The following PBLD variants were observed in gnomAD, a reference collection of about 807,000 sequenced individuals.
PBLD encodes phenazine biosynthesis like protein domain containing, also known as phenazine biosynthesis-like domain-containing protein.
In PBLD, 26 loss-of-function variants were observed where a neutral mutation model predicts 31.3. The ratio of observed to expected loss-of-function variants is 0.83; its 90% confidence interval spans 0.61 to 1.15. PBLD has a LOEUF of 1.15. Ranked by LOEUF, PBLD falls within the 50% of genes most tolerant of loss-of-function variation. The pLI is 0.00. For missense variants in PBLD, 307 were observed against 351.7 expected (o/e 0.87, Z 1.02); for synonymous variants, 114 against 129.0 (o/e 0.88, Z 0.79).
At chr10:68,324,419 C>A (rs1283583460) in intron 1 of PBLD, among the ~76,000 whole-genome samples, 1 of 152,056 alleles carries the variant, frequency 6.6e-6, no homozygotes, top group Non-Finnish European at 1.5e-5. Flanking sequence ...TCATGATCTG[C>A]CCACCTTGGC....
chr10:68,325,491 G>A (rs2044904704), intron 1 of PBLD, among the ~76,000 whole-genome samples: 1 of 152,096 alleles, frequency 6.6e-6, no homozygotes. Context: ...CCTGAACCTG[G>A]GAGGCAAAGA....
At chr10:68,298,233 G>A (rs1158803672) in intron 2 of PBLD, among the ~76,000 whole-genome samples, 2 of 152,156 alleles carry the variant, frequency 1.3e-5, no homozygotes, top group African/African-American at 4.8e-5. Context: ...CAGCCTGGGC[G>A]ACAGAGCAAG....
chr10:68,289,662 A>ACCACACACACACAC (rs1245253406), intron 6 of PBLD, among the ~76,000 whole-genome samples: 37 of 15,322 alleles, frequency 2.4e-3, no homozygotes, highest in Non-Finnish European at 7.2e-3. Flanking sequence ...AAGGCCAAAG[A>ACCACACACACACAC]TCACACACAC....
chr10:68,327,401 TG>T (rs1281014352), intron 1 of PBLD, among the ~76,000 whole-genome samples: 1 of 151,686 alleles, frequency 6.6e-6, no homozygotes, highest in African/African-American at 2.4e-5. Flanking sequence ...TGGGTGGGGC[TG>T]GGCGCTGTGG....
intron 2 of PBLD, among the ~76,000 whole-genome samples, chr10:68,300,204 G>T (rs772903550): frequency 6.6e-6 from 1 of 152,086 alleles, no homozygotes; most frequent in Non-Finnish European, 1.5e-5. Context: ...CCCAGAGAGA[G>T]ACTGAAAGAA....
Position 68,298,341 on chromosome 10 carries a change from A to T in PBLD, c.85-1356T>A, listed in dbSNP as rs182884016. Among the ~76,000 whole-genome samples the T allele has an allele frequency of 3.9e-5, 6 of 152,054 alleles. No individual in the cohort carries two copies. In the East Asian group the frequency reaches 7.8e-4, roughly 20 times the overall value. ...ACAACTGGCCAGGCACATGCCTATA[A>T]TCCCAGCACTTTGGGAGGCTCATGC... On this transcript the variant is annotated intron_variant, in intron 2 of 9. Transcript: ENST00000358769.
At chr10:68,292,281 A>G (rs745576026) in intron 4 of PBLD, 43 bp from the exon 5 acceptor site, 21 of 1,484,856 alleles carry the variant, frequency 1.4e-5, no homozygotes, top group Non-Finnish European at 1.0e-5. Flanking sequence ...AAACTTTGTC[A>G]TATATGCGCA....
intron 9 of PBLD, among the ~76,000 whole-genome samples, chr10:68,284,690 G>T (rs1257105478): frequency 6.6e-6 from 1 of 152,192 alleles, no homozygotes; most frequent in East Asian, 1.9e-4. Flanking sequence ...TCTTGAGAAG[G>T]CCCCCATCTT....
chr10:68,285,161 G>C, intron 9 of PBLD, 187 bp downstream of exon 9: 3 of 1,441,878 alleles, frequency 2.1e-6, no homozygotes, highest in Non-Finnish European at 2.7e-6. Context: ...CTGTATGTTG[G>C]GGGAGGCAGA....
chr10:68,316,906 G>A (rs575727881), intron 1 of PBLD, among the ~76,000 whole-genome samples: 38 of 152,224 alleles, frequency 2.5e-4, no homozygotes, highest in Middle Eastern at 6.8e-3. Context: ...CCAGCAACTC[G>A]GGAGGCTGAG....
chr10:68,311,656 G>A (rs1166254930), intron 1 of PBLD, among the ~76,000 whole-genome samples: 2 of 151,044 alleles, frequency 1.3e-5, no homozygotes, highest in East Asian at 1.9e-4. Context: ...GGAAGCTGAG[G>A]CAGGAGGAGC....
intron 4 of PBLD, among the ~76,000 whole-genome samples, chr10:68,293,072 G>A (rs1010935692): frequency 1.3e-5 from 2 of 152,106 alleles, no homozygotes; most frequent in Non-Finnish European, 2.9e-5. Context: ...TGTTGCTCAG[G>A]CTGGTCTCTA....
chr10:68,289,452 G>C lies in PBLD; in HGVS notation c.424-433C>G, dbSNP rs190219917. Reference sequence around the variant, plus strand: ...TGAGGCAAGAGAATCACTTGAACCTGGTGAACCAAGAATCACTTGTGAGCC... The same window carrying C: ...TGAGGCAAGAGAATCACTTGAACCTCGTGAACCAAGAATCACTTGTGAGCC... On this transcript the variant is annotated intron_variant, in intron 6 of 9. Transcript: ENST00000358769. Among the ~76,000 whole-genome samples the C allele has an allele frequency of 2.2e-3, 337 of 152,070 alleles. 1 individual carries two copies. The highest frequency in any genetic ancestry group is 7.6e-3 in the African/African-American group (317 of 41,516).
chr10:68,319,043 AAG>A (rs1420834202), intron 1 of PBLD, among the ~76,000 whole-genome samples: 1 of 112,936 alleles, frequency 8.9e-6, no homozygotes, highest in Non-Finnish European at 1.7e-5. Context: ...GAAAGAAAGA[AAG>A]AAAGAGAGAG....
At chr10:68,328,393 C>A (rs1482794241) in intron 1 of PBLD, among the ~76,000 whole-genome samples, 5 of 152,112 alleles carry the variant, frequency 3.3e-5, no homozygotes, top group Non-Finnish European at 7.4e-5. Flanking sequence ...CTTTCAATTT[C>A]TTTTTTTCTC....
intron 1 of PBLD, among the ~76,000 whole-genome samples, chr10:68,320,785 C>G (rs537031070): frequency 6.7e-6 from 1 of 149,692 alleles, no homozygotes; most frequent in South Asian, 2.1e-4. Flanking sequence ...TCCCAAACTG[C>G]TAGGATTATA....
intron 8 of PBLD, among the ~76,000 whole-genome samples, 165 bp from the exon 9 acceptor site, chr10:68,285,575 A>G (rs1317727243): frequency 6.6e-6 from 1 of 152,248 alleles, no homozygotes. Flanking sequence ...ATGAAAGGAG[A>G]TAAAAAGGAA....
At chr10:68,327,499 G>A (rs994026299) in intron 1 of PBLD, among the ~76,000 whole-genome samples, 3 of 151,802 alleles carry the variant, frequency 2.0e-5, no homozygotes, top group Non-Finnish European at 4.4e-5. Flanking sequence ...TCAACATGGT[G>A]AAACCCCGTC....
intron 6 of PBLD, 120 bp downstream of exon 6, chr10:68,291,890 C>T (rs906194091): frequency 5.2e-6 from 6 of 1,158,328 alleles, no homozygotes; most frequent in East Asian, 2.4e-5. Context: ...AAAATTCAAA[C>T]CTGAAACACT....
Sources: allele counts gnomAD v4.1 joint callset (sites outside exome capture counted in the v4.1 genomes callset), GRCh38; gene constraint gnomAD v4.1.1; transcripts MANE v1.5; gene names NCBI Gene and HGNC (gene_info 2026-07-23, HGNC 2026-07-21).